KCND3: variants seen among roughly 807,000 people sequenced by gnomAD.
KCND3 encodes the protein A-type voltage-gated potassium channel KCND3.
In KCND3, 9 loss-of-function variants were observed where a neutral mutation model predicts 51.1. The ratio of observed to expected loss-of-function variants is 0.18; its 90% CI spans 0.11 to 0.31. KCND3 has a LOEUF of 0.31. KCND3 is among the 10% of genes least tolerant of loss of function. The probability of loss-of-function intolerance (pLI) is 1.00; values close to 1 mark genes in which losing one functional copy is unlikely to be tolerated. For missense variants in KCND3, 526 were observed against 903.8 expected, an observed-to-expected ratio of 0.58 and a Z score of 5.36; for synonymous variants, 349 against 368.0, an observed-to-expected ratio of 0.95 and a Z score of 0.59.
chr1:111,974,457 T>C (rs1226925107), intron 2 of KCND3, among the ~76,000 whole-genome samples: 1 of 151,432 alleles, frequency 6.6e-6, no homozygotes, highest in Non-Finnish European at 1.5e-5. Flanking sequence ...CTGGAAGTGG[T>C]TGGTTGTGTG....
chr1:111,922,041 A>C (rs577844952), intron 2 of KCND3, among the ~76,000 whole-genome samples: 10 of 152,338 alleles, frequency 6.6e-5, no homozygotes, highest in South Asian at 4.1e-4. Flanking sequence ...GCAGCTAAAA[A>C]ACTCACTCTG....
intron 2 of KCND3, among the ~76,000 whole-genome samples, chr1:111,948,492 G>A (rs1364367182): frequency 6.6e-6 from 1 of 152,184 alleles, no homozygotes; most frequent in Non-Finnish European, 1.5e-5. Flanking sequence ...CTTCCCCACA[G>A]CATAGGGCTG....
In KCND3 at chr1:111,777,049, A is replaced by G. The variant is rs1273639477; in HGVS notation, c.1743T>C (p.Ser581=). 2.5e-6 allele frequency: 4 copies of G among 1,613,602 alleles called. No individual in the cohort carries two copies. The highest frequency in any genetic ancestry group is 3.4e-6 in the Non-Finnish European group (4 of 1,179,876). Residue 581 remains serine (S), a synonymous_variant, in exon 7 of 8, where the codon AGT becomes AGC. Coordinates refer to ENST00000302127, the MANE Select transcript of KCND3 (RefSeq NM_001378969.1). ...QELSTIHIQG[S]EQPSLTTSRS... ...ACCTGGTTGTGAGGGAGGGCTGCTC[A>G]CTGCCCTGGATGTGGATCGTGCTGA...
At position 111,771,878 on chromosome 1, in the gene KCND3, T is replaced by TA. The variant is rs1420229886; in HGVS notation, c.*4198dup. On this transcript the variant is annotated 3_prime_UTR_variant, in exon 8 of 8. Transcript: ENST00000302127. ...CTGAGCTTGGCACTAGTTATGAAAA[T>TA]AGGAGATGAAGGAGAAATAGTACAG... 6.6e-6 allele frequency: 1 copy of TA among 152,060 alleles called. No individual in the cohort carries two copies. 9.4% of individuals were successfully genotyped at this position (152,060 alleles called of 1,614,324 possible). A position where few individuals can be genotyped will look rare whatever the true frequency, so the allele number is the denominator to read the frequency against.
rs568397902 is a variant in KCND3 at position 111,784,222 on chromosome 1, T to C, written c.1269+2722A>G. Among the ~76,000 whole-genome samples, 6 of 152,116 alleles carry C rather than the reference T, an allele frequency of 3.9e-5. No homozygotes were observed. The East Asian group carries it at 5.8e-4, about 15-fold the overall frequency. ...TCCATATCCTGGTGGTGATATATAG[T>C]ACTATTGTTTTGTAAAATGTTACCA... On this transcript the variant is annotated intron_variant, in intron 3 of 7. Coordinates refer to ENST00000302127, the MANE Select transcript of KCND3 (RefSeq NM_001378969.1).
chr1:111,971,375 T>C (rs1227597474), intron 2 of KCND3, among the ~76,000 whole-genome samples: 2 of 151,692 alleles, frequency 1.3e-5, no homozygotes, highest in South Asian at 2.1e-4. Flanking sequence ...TGTGACCTTT[T>C]GGCTTCAGCA....
At chr1:111,857,242 A>G (rs1668117625) in intron 2 of KCND3, among the ~76,000 whole-genome samples, 2 of 152,178 alleles carry the variant, frequency 1.3e-5, no homozygotes, top group African/African-American at 4.8e-5. Flanking sequence ...GGTGTTACAG[A>G]TGCTCTGGGC....
intron 2 of KCND3, among the ~76,000 whole-genome samples, chr1:111,876,141 C>T (rs961467227): frequency 6.6e-6 from 1 of 152,220 alleles, no homozygotes; most frequent in African/African-American, 2.4e-5. Context: ...AGGGCTAAAT[C>T]CACTCTGCTG....
chr1:111,935,223 A>T (rs1672161996), intron 2 of KCND3, among the ~76,000 whole-genome samples: 1 of 152,214 alleles, frequency 6.6e-6, no homozygotes, highest in African/African-American at 2.4e-5. Context: ...TAATAACCTT[A>T]TAAAAAAGTC....
At chr1:111,921,801 T>G (rs1671486650) in intron 2 of KCND3, among the ~76,000 whole-genome samples, 1 of 152,104 alleles carries the variant, frequency 6.6e-6, no homozygotes, top group African/African-American at 2.4e-5. Flanking sequence ...ATGGTTAATT[T>G]TTTTCATTGC....
At chr1:111,842,071 A>G (rs1667346096) in intron 2 of KCND3, among the ~76,000 whole-genome samples, 1 of 152,208 alleles carries the variant, frequency 6.6e-6, no homozygotes, top group Non-Finnish European at 1.5e-5. Context: ...GCAGCTGGGA[A>G]GCAGGGCACC....
intron 2 of KCND3, among the ~76,000 whole-genome samples, chr1:111,806,680 A>C (rs751700890): frequency 1.3e-5 from 2 of 152,230 alleles, no homozygotes; most frequent in African/African-American, 2.4e-5. Context: ...TAAAAACATC[A>C]AAGACATAAC....
At chr1:111,863,301 A>G (rs1448852090) in intron 2 of KCND3, among the ~76,000 whole-genome samples, 2 of 148,566 alleles carry the variant, frequency 1.3e-5, no homozygotes, top group Non-Finnish European at 3.0e-5. Flanking sequence ...TATGTGCCAG[A>G]CATTGACTAA....
intron 3 of KCND3, among the ~76,000 whole-genome samples, chr1:111,784,670 C>T (rs1347840918): frequency 6.6e-6 from 1 of 152,180 alleles, no homozygotes; most frequent in East Asian, 1.9e-4. Context: ...TGGTGACAGA[C>T]TCAATGCTGG....
intron 2 of KCND3, among the ~76,000 whole-genome samples, chr1:111,974,092 C>A (rs972592370): frequency 6.6e-6 from 1 of 152,346 alleles, no homozygotes; most frequent in Middle Eastern, 3.4e-3. Flanking sequence ...CTCCAGTCCC[C>A]ATCTTCCCAT....
chr1:111,804,870 C>A (rs75428182), intron 2 of KCND3, among the ~76,000 whole-genome samples: 6,412 of 152,292 alleles, frequency 0.042, 173 homozygotes, highest in Admixed American at 0.066. Context: ...CTGCCTCAGG[C>A]GCCTAGGCCC....
chr1:111,846,082 A>G (rs998585325), intron 2 of KCND3, among the ~76,000 whole-genome samples: 1 of 152,096 alleles, frequency 6.6e-6, no homozygotes, highest in Non-Finnish European at 1.5e-5. Flanking sequence ...CCTGTTACCT[A>G]CCAGCACACT....
Position 111,775,831 on chromosome 1 carries a change from T to TTCCC in KCND3, c.*245_*246insGGGA. Reference sequence around the variant, plus strand: ...CGGCCTATCCCCGACCCCCCCACCCTCCCTCCCTTCCTCTGGCCCCAGTGA... The same window carrying TTCCC: ...CGGCCTATCCCCGACCCCCCCACCCTTCCCCCCTCCCTTCCTCTGGCCCCAGTGA... On this transcript the variant is annotated 3_prime_UTR_variant, in exon 8 of 8. Transcript: ENST00000302127. 1 of 69,534 alleles carries TTCCC rather than the reference T, an allele frequency of 1.4e-5. No homozygotes were observed. Among genetic ancestry groups the TTCCC allele is most frequent in the Admixed American group, 2.0e-4 (1 of 5,056 alleles). The allele number at this position is 69,534 out of a possible 1,614,324, so 4.3% of individuals were successfully genotyped here.
chr1:111,988,107 C>T (rs891737935), intron 1 of KCND3, among the ~76,000 whole-genome samples: 1 of 152,154 alleles, frequency 6.6e-6, no homozygotes, highest in Non-Finnish European at 1.5e-5. Context: ...CCTTCAATGA[C>T]CTCAGTGGAG....
Sources: allele counts gnomAD v4.1 joint callset (sites outside exome capture counted in the v4.1 genomes callset), GRCh38; gene constraint gnomAD v4.1.1; transcripts MANE v1.5; gene names NCBI Gene and HGNC (gene_info 2026-07-23, HGNC 2026-07-21).